The following ADIPOQ variants were observed in gnomAD, a reference collection of about 807,000 sequenced individuals.
ADIPOQ encodes the protein adiponectin.
Under a neutral mutation model 16.1 loss-of-function variants are expected in ADIPOQ, and 19 were observed. The observed-to-expected ratio is 1.18, with a 90% CI of 0.82 to 1.73. The LOEUF is 1.73. Among genes scored for constraint, ADIPOQ ranks in the 40% most tolerant of loss-of-function variants. The pLI, the probability that ADIPOQ is intolerant of heterozygous loss-of-function variation, is 0.00. For missense variants in ADIPOQ, 323 were observed against 308.3 expected (o/e 1.05, Z -0.36); for synonymous variants, 124 against 125.5 (o/e 0.99, Z 0.08).
At position 186,853,191 on chromosome 3, in the gene ADIPOQ, G is replaced by C. The variant is rs200573126; in HGVS notation, c.133G>C (p.Gly45Arg). ...CACAGGTTGGATGGCGGGCATCCCA[G>C]GGCATCCGGGCCATAATGGGGCCCC... Reference protein sequence around the residue: ...ACTGWMAGIPGHPGHNGAPGR... With the variant: ...ACTGWMAGIPRHPGHNGAPGR... Residue 45 changes from glycine to arginine, a missense_variant, in exon 2 of 3, where the codon GGG (glycine) becomes CGG (arginine). Gly to Arg is a moderately radical substitution (Grantham distance 125). Coordinates refer to ENST00000320741, the MANE Select transcript of ADIPOQ (RefSeq NM_004797.4). The C allele has an allele frequency of 1.3e-4, 212 of 1,613,896 alleles. 3 individuals carry two copies. In the Admixed American group the frequency reaches 3.5e-3, roughly 27 times the overall value.
rs1712062213 is a variant in ADIPOQ at position 186,857,786 on chromosome 3, T to G, written c.*3082T>G. 6.6e-6 allele frequency: 1 copy of G among 152,230 alleles called. No individual in the cohort carries two copies. Among genetic ancestry groups the G allele is most frequent in the South Asian group, 2.1e-4 (1 of 4,832 alleles). The allele number at this position is 152,230 out of a possible 1,614,324, so 9.4% of individuals were successfully genotyped here. A position where few individuals can be genotyped will look rare whatever the true frequency, so the allele number is the denominator to read the frequency against. ...ATACATGTTTAGTATTATGTCTTAT[T>G]GGTGCATTTACTCTCTTATCATTAT... On this transcript the variant is annotated 3_prime_UTR_variant, in exon 3 of 3. Coordinates refer to ENST00000320741, the MANE Select transcript of ADIPOQ (RefSeq NM_004797.4).
intron 1 of ADIPOQ, among the ~76,000 whole-genome samples, chr3:186,851,607 T>C (rs1295275457): frequency 2.6e-5 from 4 of 152,130 alleles, no homozygotes; most frequent in Admixed American, 6.5e-5. Flanking sequence ...CCCTCCTTCC[T>C]TCCCTCTTCC....
chr3:186,845,072 G>A (rs954767894), intron 1 of ADIPOQ, among the ~76,000 whole-genome samples: 3 of 149,474 alleles, frequency 2.0e-5, no homozygotes, highest in African/African-American at 2.5e-5. Flanking sequence ...GTGTGTGTGC[G>A]CGCGCGCACA....
intron 1 of ADIPOQ, among the ~76,000 whole-genome samples, chr3:186,848,666 G>A (rs1711651686): frequency 6.6e-6 from 1 of 152,110 alleles, no homozygotes; most frequent in African/African-American, 2.4e-5. Flanking sequence ...TCTTCCCAAA[G>A]CCCTGCTTTT....
At position 186,855,859 on chromosome 3, in the gene ADIPOQ, C is replaced by G. The variant is rs1367107601; in HGVS notation, c.*1155C>G. On this transcript the variant is annotated 3_prime_UTR_variant, in exon 3 of 3. Coordinates refer to ENST00000320741, the MANE Select transcript of ADIPOQ (RefSeq NM_004797.4). ...AGGAAGGACTGTGCTTCCGTCACCT[C>G]TAAATCCCTTGCAGATCCTTGATAA... The G allele has an allele frequency of 6.6e-6, 1 of 152,248 alleles. No individual in the cohort carries two copies. Among genetic ancestry groups the G allele is most frequent in the Non-Finnish European group, 1.5e-5 (1 of 68,076 alleles). The allele number at this position is 152,248 out of a possible 1,614,324, so 9.4% of individuals were successfully genotyped here.
rs1452418452 is a variant in ADIPOQ at position 186,854,369 on chromosome 3, A to G, written c.400A>G (p.Lys134Glu). 2 of 1,614,068 alleles carry G rather than the reference A, an allele frequency of 1.2e-6. No individual in the cohort carries two copies. The highest frequency in any genetic ancestry group is 1.7e-6 in the Non-Finnish European group (2 of 1,180,026). The change falls in exon 3 of 3, where the codon AAG becomes GAG. Residue 134 changes from lysine to glutamate, a missense_variant. Physicochemically the swap from Lys to Glu is moderately conservative, Grantham distance 56. Coordinates refer to ENST00000320741, the MANE Select transcript of ADIPOQ (RefSeq NM_004797.4). ...TIPNMPIRFT[K>E]IFYNQQNHYD... is the part of the protein sequence containing the mutation. ...CCCCAACATGCCCATTCGCTTTACC[A>G]AGATCTTCTACAATCAGCAAAACCA...
chr3:186,853,305 C>A, intron 2 of ADIPOQ, 33 bp downstream of exon 2: 4 of 1,551,964 alleles, frequency 2.6e-6, no homozygotes, highest in Non-Finnish European at 3.5e-6. Flanking sequence ...TCATCACAGA[C>A]CTCCTACACT....
In ADIPOQ at chr3:186,854,597, C is replaced by T. The variant is rs779817320; in HGVS notation, c.628C>T (p.Gln210Ter). Residue 210 changes from glutamine (Q) to a stop codon, truncating the protein, a stop_gained, in exon 3 of 3, where the codon CAA becomes TAA. Coordinates refer to ENST00000320741, the MANE Select transcript of ADIPOQ (RefSeq NM_004797.4). LOFTEE classifies it high-confidence loss of function. ...SVLLHLEVGDQVWLQVYGEGE... is the reference protein window; with the variant it reads ...SVLLHLEVGD ...GCTCCTGCATCTGGAGGTGGGCGACCAAGTCTGGCTCCAGGTGTATGGGGA... is the reference window on the plus strand; with the variant it reads ...GCTCCTGCATCTGGAGGTGGGCGACTAAGTCTGGCTCCAGGTGTATGGGGA... The T allele has an allele frequency of 5.0e-6, 8 of 1,614,032 alleles. No individual in the cohort carries two copies. The East Asian group carries it at 1.8e-4, about 36-fold the overall frequency.
intron 1 of ADIPOQ, among the ~76,000 whole-genome samples, chr3:186,845,401 C>T (rs887552203): frequency 1.2e-4 from 18 of 152,106 alleles, no homozygotes; most frequent in Non-Finnish European, 1.6e-4. Context: ...GACAGAGTTT[C>T]ACACTTGTCA....
In ADIPOQ at chr3:186,855,508, A is replaced by T. The variant is rs1233594783; in HGVS notation, c.*804A>T. 6.6e-6 allele frequency: 1 copy of T among 150,420 alleles called. No individual in the cohort carries two copies. Among genetic ancestry groups the T allele is most frequent in the Non-Finnish European group, 1.5e-5 (1 of 67,906 alleles). 9.3% of individuals were successfully genotyped at this position (150,420 alleles called of 1,614,324 possible). A position where few individuals can be genotyped will look rare whatever the true frequency, so the allele number is the denominator to read the frequency against. On this transcript the variant is annotated 3_prime_UTR_variant, in exon 3 of 3. Coordinates refer to ENST00000320741, the MANE Select transcript of ADIPOQ (RefSeq NM_004797.4). ...CTCACTCTGTCACCCAGGCTGGAGT[A>T]CAGTGACACGACCTCGGCTCACTGC...
At chr3:186,849,498 A>C (rs925873744) in intron 1 of ADIPOQ, among the ~76,000 whole-genome samples, 2 of 151,662 alleles carry the variant, frequency 1.3e-5, no homozygotes, top group Non-Finnish European at 2.9e-5. Flanking sequence ...GCTGTTTCTC[A>C]TTTTATTTCC....
rs942552973 is a variant in ADIPOQ at position 186,854,862 on chromosome 3, T to A, written c.*158T>A. The stretch of plus-strand genomic sequence containing the variant: ...TATTCATTCATTCATCGAGTAACTT[T>A]AAAAAAATCATATGCTATGTTCCCA... On this transcript the variant is annotated 3_prime_UTR_variant, in exon 3 of 3. Coordinates refer to ENST00000320741, the MANE Select transcript of ADIPOQ (RefSeq NM_004797.4). 4 of 1,084,026 alleles carry A rather than the reference T, an allele frequency of 3.7e-6. No homozygotes were observed. In the African/African-American group the frequency reaches 4.7e-5, roughly 13 times the overall value. The allele number at this position is 1,084,026 out of a possible 1,614,324, so 67.2% of individuals were successfully genotyped here. A position where few individuals can be genotyped will look rare whatever the true frequency, so the allele number is the denominator to read the frequency against.
At position 186,854,880 on chromosome 3, in the gene ADIPOQ, TG is replaced by T. The variant is rs1711937931; in HGVS notation, c.*177del. 1.1e-6 allele frequency: 1 copy of T among 929,004 alleles called. No individual in the cohort carries two copies. Among genetic ancestry groups the T allele is most frequent in the South Asian group, 1.6e-5 (1 of 62,218 alleles). The allele number at this position is 929,004 out of a possible 1,614,324, so 57.5% of individuals were successfully genotyped here. ...GTAACTTTAAAAAAATCATATGCTA[TG>T]TTCCCAGTCCTGGGGAGCTTCACAA... On this transcript the variant is annotated 3_prime_UTR_variant, in exon 3 of 3. Transcript: ENST00000320741.
At chr3:186,848,565 T>C (rs964763454) in intron 1 of ADIPOQ, among the ~76,000 whole-genome samples, 2 of 152,120 alleles carry the variant, frequency 1.3e-5, no homozygotes, top group Non-Finnish European at 2.9e-5. Flanking sequence ...AACGGGATTA[T>C]GTGAGATGAG....
chr3:186,845,142 G>A (rs1337090384), intron 1 of ADIPOQ, among the ~76,000 whole-genome samples: 2 of 151,772 alleles, frequency 1.3e-5, no homozygotes, highest in Non-Finnish European at 2.9e-5. Flanking sequence ...TGGATGTGTG[G>A]ATGTGGTGTG....
rs1001164255 is a variant in ADIPOQ at position 186,854,386 on chromosome 3, G to A, written c.417G>A (p.Gln139=). ...PIRFTKIFYN[Q]QNHYDGSTGK... ...GCTTTACCAAGATCTTCTACAATCA[G>A]CAAAACCACTATGATGGCTCCACTG... The change falls in exon 3 of 3, where the codon CAG becomes CAA. Residue 139 remains glutamine, a synonymous_variant. Coordinates refer to ENST00000320741, the MANE Select transcript of ADIPOQ (RefSeq NM_004797.4). The A allele has an allele frequency of 6.8e-6, 11 of 1,614,062 alleles. No individual in the cohort carries two copies. In the African/African-American group the frequency reaches 1.3e-4, roughly 20 times the overall value.
At chr3:186,854,131 A>G (rs1711890461) in intron 2 of ADIPOQ, 53 bp from the exon 3 acceptor site, 4 of 1,583,216 alleles carry the variant, frequency 2.5e-6, no homozygotes, top group Non-Finnish European at 2.6e-6. Flanking sequence ...GCTGTAACCA[A>G]CCTAGGCAGG....
In ADIPOQ at chr3:186,853,177, T is replaced by G; in HGVS notation, c.119T>G (p.Met40Arg). Residue 40 changes from methionine (M) to arginine (R), a missense_variant, in exon 2 of 3, where the codon ATG becomes AGG. Physicochemically the swap from Met to Arg is moderately conservative, Grantham distance 91 (BLOSUM62 -1). Coordinates refer to ENST00000320741, the MANE Select transcript of ADIPOQ (RefSeq NM_004797.4). Reference sequence around the variant, plus strand: ...CCCAAGGGGGCCTGCACAGGTTGGATGGCGGGCATCCCAGGGCATCCGGGC... The same window carrying G: ...CCCAAGGGGGCCTGCACAGGTTGGAGGGCGGGCATCCCAGGGCATCCGGGC... ...PLPKGACTGW[M>R]AGIPGHPGHN... The G allele has an allele frequency of 1.9e-6, 3 of 1,614,116 alleles. No homozygotes were observed. The highest frequency in any genetic ancestry group is 2.5e-6 in the Non-Finnish European group (3 of 1,179,992).
rs2108493197 is a variant in ADIPOQ at position 186,856,199 on chromosome 3, A to C, written c.*1495A>C. The stretch of plus-strand genomic sequence containing the variant: ...GGGTCAGGGAAGACTGGGCCTCCTG[A>C]ATTTATTATTGTTCTTTAAGAATTA... On this transcript the variant is annotated 3_prime_UTR_variant, in exon 3 of 3. Transcript: ENST00000320741. The C allele has an allele frequency of 6.6e-6, 1 of 152,218 alleles. No individual in the cohort carries two copies. The highest frequency in any genetic ancestry group is 6.5e-5 in the Admixed American group (1 of 15,290). 9.4% of individuals were successfully genotyped at this position (152,218 alleles called of 1,614,324 possible). A position where few individuals can be genotyped will look rare whatever the true frequency, so the allele number is the denominator to read the frequency against.
Sources: gnomAD v4.1 joint callset for allele counts (sites outside exome capture counted in the v4.1 genomes callset) on GRCh38, gnomAD v4.1.1 for gene constraint, MANE v1.5 for transcripts, NCBI Gene and HGNC (gene_info 2026-07-23, HGNC 2026-07-21) for gene names.